The following ITGA9 variants were observed in gnomAD, a reference collection of about 807,000 sequenced individuals.
ITGA9 encodes the protein integrin subunit alpha 9, also known as integrin alpha-9.
In ITGA9, 56 loss-of-function variants were observed where a neutral mutation model predicts 127.8. That is an observed-to-expected ratio of 0.44 (90% confidence interval 0.35 to 0.55). ITGA9 has a LOEUF of 0.55. Ranked by LOEUF, ITGA9 falls within the 20% of genes least tolerant of loss-of-function variation. The probability of loss-of-function intolerance (pLI) is 0.00; values close to 1 mark genes in which losing one functional copy is unlikely to be tolerated. For synonymous variants in ITGA9, 508 were observed against 514.5 expected (o/e 0.99, Z 0.17); for missense variants, 1,196 against 1,347.1 (o/e 0.89, Z 1.76).
chr3:37,622,409 A>G (rs1700137139), intron 15 of ITGA9, among the ~76,000 whole-genome samples: 1 of 152,112 alleles, frequency 6.6e-6, no homozygotes, highest in South Asian at 2.1e-4. Flanking sequence ...TTTAATTTAT[A>G]GGATTGTAAA....
In ITGA9 at chr3:37,819,171, C is replaced by G; in HGVS notation, c.*182C>G. ...CAGCCACTTCGGCCAGGTCACACGA[C>G]CGGGGCCAGCACCACTTCCTTTAAA... On this transcript the variant is annotated 3_prime_UTR_variant, in exon 28 of 28. Transcript: ENST00000264741. 1 of 636,254 alleles carries G rather than the reference C, an allele frequency of 1.6e-6. No individual in the cohort carries two copies. The highest frequency in any genetic ancestry group is 2.8e-6 in the Non-Finnish European group (1 of 352,082). The allele number at this position is 636,254 out of a possible 1,614,324, so 39.4% of individuals were successfully genotyped here. A position where few individuals can be genotyped will look rare whatever the true frequency, so the allele number is the denominator to read the frequency against.
Position 37,732,784 on chromosome 3 carries a change from A to G in ITGA9, c.2140A>G (p.Arg714Gly), listed in dbSNP as rs1300450717. 6.2e-7 allele frequency: 1 copy of G among 1,610,200 alleles called. No homozygotes were observed. The highest frequency in any genetic ancestry group is 1.1e-5 in the South Asian group (1 of 89,476). ...LKCSVGFPFM[R>G]SKSKYEFSVI... The stretch of plus-strand genomic sequence containing the variant: ...ATGCAGCGTGGGATTTCCTTTCATG[A>G]GGTCAAAGTCAAAGGTAAGGGACAC... Residue 714 changes from arginine (R) to glycine (G), a missense_variant, in exon 19 of 28, where the codon AGG becomes GGG. By Grantham distance (125) the Arg-to-Gly change is moderately radical. Coordinates refer to ENST00000264741, the MANE Select transcript of ITGA9 (RefSeq NM_002207.3).
At chr3:37,508,752 T>G in intron 8 of ITGA9, 125 bp downstream of exon 8, 4 of 742,716 alleles carry the variant, frequency 5.4e-6, no homozygotes, top group South Asian at 4.4e-5. Flanking sequence ...CAGTGCTGTC[T>G]GCTTGTTGGT....
chr3:37,756,482 G>A (rs73052973), intron 23 of ITGA9, among the ~76,000 whole-genome samples: 4,283 of 152,210 alleles, frequency 0.028, 89 homozygotes, highest in Non-Finnish European at 0.042. Context: ...CTAGAGTTGC[G>A]ATCATTTATA....
chr3:37,779,772 C>A (rs572061146), intron 24 of ITGA9, 130 bp from the exon 25 acceptor site: 82 of 883,268 alleles, frequency 9.3e-5, no homozygotes, highest in Non-Finnish European at 1.4e-4. Context: ...ACGATTGCAT[C>A]TTCTTGTGGA....
At chr3:37,756,810 A>G (rs1237648514) in intron 23 of ITGA9, among the ~76,000 whole-genome samples, 1 of 152,270 alleles carries the variant, frequency 6.6e-6, no homozygotes, top group Non-Finnish European at 1.5e-5. Context: ...TAGAAGCCAC[A>G]GTCTCTGACC....
intron 15 of ITGA9, among the ~76,000 whole-genome samples, chr3:37,588,475 T>C (rs975189088): frequency 4.6e-5 from 7 of 152,192 alleles, no homozygotes; most frequent in African/African-American, 1.7e-4. Flanking sequence ...TGGTGCACTT[T>C]ACAGTGCAGG....
intron 1 of ITGA9, among the ~76,000 whole-genome samples, chr3:37,466,993 A>G (rs1007854908): frequency 2.0e-5 from 3 of 152,224 alleles, no homozygotes; most frequent in Non-Finnish European, 2.9e-5. Flanking sequence ...ACTCTGGGCC[A>G]TGGTAATCTC....
intron 15 of ITGA9, among the ~76,000 whole-genome samples, chr3:37,607,563 T>A (rs1328365051): frequency 6.6e-6 from 1 of 152,062 alleles, no homozygotes; most frequent in African/African-American, 2.4e-5. Flanking sequence ...GGGTCCTGCC[T>A]CTCAGATTAA....
chr3:37,589,560 C>T (rs1395628074), intron 15 of ITGA9, among the ~76,000 whole-genome samples: 1 of 152,114 alleles, frequency 6.6e-6, no homozygotes, highest in Admixed American at 6.5e-5. Flanking sequence ...CCAAGGTGGG[C>T]TGTAATTTTA....
At chr3:37,589,836 A>G (rs1274339155) in intron 15 of ITGA9, among the ~76,000 whole-genome samples, 1 of 152,078 alleles carries the variant, frequency 6.6e-6, no homozygotes, top group Non-Finnish European at 1.5e-5. Context: ...CTAGTAGACC[A>G]TTGAAAGGAC....
intron 15 of ITGA9, among the ~76,000 whole-genome samples, chr3:37,624,307 G>T (rs534326833): frequency 4.7e-4 from 69 of 145,672 alleles, no homozygotes; most frequent in African/African-American, 1.6e-3. Context: ...AGCTTTCTTC[G>T]GGTCATAGAG....
At chr3:37,784,360 G>T (rs1220486415) in intron 25 of ITGA9, among the ~76,000 whole-genome samples, 3 of 152,172 alleles carry the variant, frequency 2.0e-5, no homozygotes, top group South Asian at 4.1e-4. Flanking sequence ...TGGCTGGGGG[G>T]TGATTCCAGA....
chr3:37,809,572 G>A (rs574770342), intron 27 of ITGA9, among the ~76,000 whole-genome samples: 1 of 152,210 alleles, frequency 6.6e-6, no homozygotes, highest in East Asian at 1.9e-4. Flanking sequence ...GTCTGTTGAG[G>A]CAGTGTTGTA....
intron 1 of ITGA9, among the ~76,000 whole-genome samples, chr3:37,464,235 A>G (rs187233403): frequency 7.3e-5 from 11 of 149,752 alleles, no homozygotes; most frequent in Admixed American, 2.0e-4. Context: ...TTATGCATGA[A>G]AACCTTTCCT....
rs1165187513 is a variant in ITGA9, at chr3:37,799,863, A to T, written c.2890-3960A>T. On this transcript the variant is annotated intron_variant, in intron 26 of 27. Transcript: ENST00000264741. This position sits in a 1 kb window ranked among gnomAD's most constrained non-coding sequence, Gnocchi z 4.0. Reference sequence around the variant, plus strand: ...CCAGCTCATTGGTGGTGATGACGGGACCTGATCATCAGTGCTTCTTGCCTC... The same window carrying T: ...CCAGCTCATTGGTGGTGATGACGGGTCCTGATCATCAGTGCTTCTTGCCTC... Among the ~76,000 whole-genome samples, 4 of 152,158 alleles carry T rather than the reference A, an allele frequency of 2.6e-5. No homozygotes were observed. Among genetic ancestry groups the T allele is most frequent in the African/African-American group, 4.8e-5 (2 of 41,440 alleles).
At chr3:37,553,756 G>T (rs374253319) in intron 15 of ITGA9, among the ~76,000 whole-genome samples, 14 of 152,330 alleles carry the variant, frequency 9.2e-5, no homozygotes, top group African/African-American at 3.1e-4. Context: ...TGGGTCATTA[G>T]TAGCGCTTTG....
chr3:37,583,335 T>C (rs1699727632), intron 15 of ITGA9, among the ~76,000 whole-genome samples: 1 of 152,210 alleles, frequency 6.6e-6, no homozygotes. Flanking sequence ...AAATTGTATG[T>C]TGAGCACCTA....
At chr3:37,678,011 T>G (rs917489074) in intron 17 of ITGA9, among the ~76,000 whole-genome samples, 3 of 152,226 alleles carry the variant, frequency 2.0e-5, no homozygotes. Context: ...TTTGGTATGA[T>G]TTCCATGATT....
Sources: gnomAD v4.1 joint callset for allele counts (sites outside exome capture counted in the v4.1 genomes callset) on GRCh38, gnomAD v4.1.1 for gene constraint, Gnocchi (gnomAD v3.1) non-coding constraint, MANE v1.5 for transcripts, NCBI Gene and HGNC (gene_info 2026-07-23, HGNC 2026-07-21) for gene names.